The following DPH6 variants were observed in gnomAD, a reference collection of about 807,000 sequenced individuals.
DPH6 encodes the protein diphthamine biosynthesis 6.
Under a neutral mutation model 38.2 loss-of-function variants are expected in DPH6, and 33 were observed. The ratio of observed to expected loss-of-function variants is 0.86; its 90% CI spans 0.65 to 1.15. DPH6 has a LOEUF of 1.15. DPH6 is among the 50% of genes most tolerant of loss of function. The pLI is 0.00. For synonymous variants in DPH6, 108 were observed against 103.0 expected, an observed-to-expected ratio of 1.05 and a Z score of -0.30; for missense variants, 325 against 320.0, an observed-to-expected ratio of 1.02 and a Z score of -0.12.
intron 3 of DPH6, among the ~76,000 whole-genome samples, chr15:35,496,565 A>T (rs866037081): frequency 0.035 from 698 of 19,798 alleles, 5 homozygotes; most frequent in South Asian, 0.076. Context: ...CAAAAAAAAA[A>T]AAATATATAT....
At chr15:35,363,255 A>T (rs1240471407) in intron 3 of DPH6, among the ~76,000 whole-genome samples, 1 of 152,200 alleles carries the variant, frequency 6.6e-6, no homozygotes. Flanking sequence ...AATTATGACT[A>T]CAAATTTGTC....
intron 3 of DPH6, among the ~76,000 whole-genome samples, chr15:35,265,311 A>G (rs1427620550): frequency 2.0e-5 from 3 of 152,224 alleles, no homozygotes. Flanking sequence ...CCCGGCCACA[A>G]AAAGCCAAAA....
At chr15:35,535,482 A>G (rs2055154727) in intron 3 of DPH6, among the ~76,000 whole-genome samples, 1 of 152,220 alleles carries the variant, frequency 6.6e-6, no homozygotes, top group Non-Finnish European at 1.5e-5. Context: ...TCCAGAAAGT[A>G]GTTCCAACCC....
the DPH6 span, among the ~76,000 whole-genome samples, chr15:35,206,535 A>G: frequency 6.6e-6 from 1 of 152,190 alleles, no homozygotes; most frequent in Non-Finnish European, 1.5e-5. Flanking sequence ...CTGAGATCCT[A>G]TCCTGAACTT....
intron 3 of DPH6, among the ~76,000 whole-genome samples, chr15:35,229,352 A>T (rs1313132650): frequency 2.0e-5 from 3 of 151,952 alleles, no homozygotes; most frequent in Non-Finnish European, 4.4e-5. Flanking sequence ...TCAGTATGCC[A>T]ATTGCATTTT....
At chr15:35,180,392 AACACACACACACACACACACAC>A in the DPH6 span, among the ~76,000 whole-genome samples, 1,787 of 140,590 alleles carry the variant, frequency 0.013, 37 homozygotes, top group African/African-American at 0.035. Flanking sequence ...TTGGTTTTAA[AACACACACACACACACACACAC>A]ACACACACAC....
At position 35,298,049 on chromosome 15, in the gene DPH6, GT is replaced by G. The variant is rs201236340; in HGVS notation, n.200+75471del. Among the ~76,000 whole-genome samples the G allele has an allele frequency of 4.6e-5, 7 of 151,070 alleles. No homozygotes were observed. The East Asian group carries it at 5.8e-4, about 13-fold the overall frequency. On this transcript the variant is annotated intron_variant and non_coding_transcript_variant, in intron 3 of 3. Transcript: ENST00000560386. ...ATCTTATCTCTAACATTTTCTTTTT[GT>G]TTTTTTTGTAAACGGATTTTTATAC...
At chr15:35,386,531 G>A (rs911812767) in intron 6 of DPH6, among the ~76,000 whole-genome samples, 16 of 152,182 alleles carry the variant, frequency 1.1e-4, no homozygotes, top group Admixed American at 3.3e-4. Flanking sequence ...TTTAATGATC[G>A]CCATTCTAAC....
Position 35,493,419 on chromosome 15 carries a change from AAAC to A in DPH6, c.313-38602_313-38600del, listed in dbSNP as rs142538732. Among the ~76,000 whole-genome samples the A allele has an allele frequency of 6.5e-3, 983 of 152,320 alleles. 17 individuals carry two copies. Among genetic ancestry groups the A allele is most frequent in the African/African-American group, 0.022 (915 of 41,570 alleles). ...AGCAGTAGTTAAAATCTTAGTAATG[AAAC>A]AACAATAACAAAAATAATTGCATTT... is the stretch of plus-strand genomic sequence containing the variant. On this transcript the variant is annotated intron_variant, in intron 3 of 8. Transcript: ENST00000256538.
At chr15:35,275,953 G>T (rs1461300785) in intron 3 of DPH6, among the ~76,000 whole-genome samples, 1 of 151,976 alleles carries the variant, frequency 6.6e-6, no homozygotes, top group Admixed American at 6.6e-5. Context: ...TTTTCCTCTG[G>T]GTAGATACAC....
chr15:35,454,405 CTT>C (rs1445098621), intron 4 of DPH6, among the ~76,000 whole-genome samples: 2 of 152,104 alleles, frequency 1.3e-5, no homozygotes, highest in South Asian at 4.1e-4. Context: ...TTTATTATCT[CTT>C]GATTTTTATT....
At chr15:35,155,133 G>A in the DPH6 span, among the ~76,000 whole-genome samples, 22 of 152,280 alleles carry the variant, frequency 1.4e-4, no homozygotes, top group Admixed American at 1.4e-3. Flanking sequence ...AAAAGAAAAA[G>A]TAGCAGATCT....
intron 3 of DPH6, among the ~76,000 whole-genome samples, chr15:35,281,982 C>T (rs1029647057): frequency 6.6e-6 from 1 of 152,134 alleles, no homozygotes; most frequent in Non-Finnish European, 1.5e-5. Flanking sequence ...ATTATTCTCA[C>T]CAAGATGCTT....
chr15:35,470,018 C>T (rs1458226066), intron 3 of DPH6, among the ~76,000 whole-genome samples: 2 of 151,866 alleles, frequency 1.3e-5, no homozygotes, highest in African/African-American at 4.8e-5. Context: ...GCCAACATGG[C>T]GAAACCCTGT....
chr15:35,509,592 T>C (rs1474209676), intron 3 of DPH6, among the ~76,000 whole-genome samples: 18 of 152,158 alleles, frequency 1.2e-4, no homozygotes, highest in Admixed American at 1.2e-3. Flanking sequence ...GCTTTTTAAA[T>C]GTAGGCTGAC....
chr15:35,402,720 GTAGT>G (rs2053236756), intron 6 of DPH6, among the ~76,000 whole-genome samples: 1 of 151,990 alleles, frequency 6.6e-6, no homozygotes, highest in South Asian at 2.1e-4. Flanking sequence ...ATTTCATGGA[GTAGT>G]TAGTGTATAA....
chr15:35,190,772 C>T, the DPH6 span, among the ~76,000 whole-genome samples: 2 of 152,212 alleles, frequency 1.3e-5, no homozygotes, highest in African/African-American at 4.8e-5. Flanking sequence ...AAACTAAATT[C>T]CTCCCAAAGT....
At chr15:35,291,791 T>C (rs971183845) in intron 3 of DPH6, among the ~76,000 whole-genome samples, 1 of 152,174 alleles carries the variant, frequency 6.6e-6, no homozygotes, top group South Asian at 2.1e-4. Context: ...TAGAGATTAA[T>C]GGAAATTATA....
intron 8 of DPH6, 53 bp from the exon 9 acceptor site, chr15:35,372,256 G>A (rs2052722950): frequency 1.2e-5 from 16 of 1,361,510 alleles, no homozygotes; most frequent in Non-Finnish European, 1.6e-5. Flanking sequence ...TTTATTCAGT[G>A]TCAGTGAATA....
Sources: allele counts gnomAD v4.1 joint callset (sites outside exome capture counted in the v4.1 genomes callset), GRCh38; gene constraint gnomAD v4.1.1; transcripts MANE v1.5; gene names NCBI Gene and HGNC (gene_info 2026-07-23, HGNC 2026-07-21).